PCDH9: variants seen among roughly 807,000 people sequenced by gnomAD.
PCDH9 encodes protocadherin-9.
In PCDH9, 24 loss-of-function variants were observed where a neutral mutation model predicts 70.6. The ratio of observed to expected loss-of-function variants is 0.34; its 90% CI spans 0.25 to 0.48. The LOEUF (loss-of-function observed/expected upper bound fraction) is 0.48, where lower values mean the gene tolerates loss of function less well. PCDH9 is among the 20% of genes least tolerant of loss of function. The pLI, the probability that PCDH9 is intolerant of heterozygous loss-of-function variation, is 0.99. For missense variants in PCDH9, 1,281 were observed against 1,503.6 expected, an observed-to-expected ratio of 0.85 and a Z score of 2.45; for synonymous variants, 562 against 558.5, an observed-to-expected ratio of 1.01 and a Z score of -0.09.
At chr13:66,334,969 AC>A (rs1956011667) in intron 4 of PCDH9, among the ~76,000 whole-genome samples, 1 of 152,092 alleles carries the variant, frequency 6.6e-6, no homozygotes, top group Non-Finnish European at 1.5e-5. Context: ...GTATTTCTAT[AC>A]CTATCTATTC....
chr13:67,045,172 C>A (rs780578380), intron 2 of PCDH9, among the ~76,000 whole-genome samples: 9 of 152,092 alleles, frequency 5.9e-5, no homozygotes, highest in Non-Finnish European at 1.2e-4. Flanking sequence ...CAACCCTTTA[C>A]CCAGCATCCT....
At chr13:66,558,156 A>AAAAC (rs756297901) in intron 4 of PCDH9, among the ~76,000 whole-genome samples, 6 of 152,276 alleles carry the variant, frequency 3.9e-5, no homozygotes, top group Non-Finnish European at 5.9e-5. Context: ...CCCTGTCTCT[A>AAAAC]AAACAAACAA....
At chr13:67,075,192 A>G (rs2085854132) in intron 2 of PCDH9, among the ~76,000 whole-genome samples, 1 of 152,160 alleles carries the variant, frequency 6.6e-6, no homozygotes, top group African/African-American at 2.4e-5. Context: ...ATCATTTTCA[A>G]TGTTTCTTTC....
intron 3 of PCDH9, among the ~76,000 whole-genome samples, chr13:66,890,941 C>G (rs2082086465): frequency 6.6e-6 from 1 of 152,040 alleles, no homozygotes; most frequent in African/African-American, 2.4e-5. Context: ...CCTCTGTGCC[C>G]CTTTGTACTT....
intron 2 of PCDH9, among the ~76,000 whole-genome samples, chr13:67,049,959 T>G (rs2085292346): frequency 6.6e-6 from 1 of 152,180 alleles, no homozygotes; most frequent in African/African-American, 2.4e-5. Context: ...GACTTCAGAA[T>G]GAACAATAGT....
intron 4 of PCDH9, among the ~76,000 whole-genome samples, chr13:66,414,589 A>C (rs372812162): frequency 6.6e-6 from 1 of 152,214 alleles, no homozygotes; most frequent in African/African-American, 2.4e-5. Context: ...GCCTATAAAA[A>C]TAGCTAATGA....
intron 2 of PCDH9, among the ~76,000 whole-genome samples, chr13:67,034,495 C>G (rs1250317517): frequency 1.3e-5 from 2 of 152,154 alleles, no homozygotes; most frequent in East Asian, 1.9e-4. Flanking sequence ...GCATATGCAG[C>G]TAATGATGAA....
At chr13:66,667,136 G>A (rs1420994131) in intron 3 of PCDH9, among the ~76,000 whole-genome samples, 1 of 152,122 alleles carries the variant, frequency 6.6e-6, no homozygotes, top group Non-Finnish European at 1.5e-5. Flanking sequence ...AAAAAAATCT[G>A]ATAAAATGGA....
chr13:66,636,742 A>G (rs1186416635), intron 3 of PCDH9, among the ~76,000 whole-genome samples: 1 of 152,004 alleles, frequency 6.6e-6, no homozygotes, highest in Non-Finnish European at 1.5e-5. Flanking sequence ...CTATGTATCT[A>G]TGTATCTATC....
chr13:67,066,777 T>G (rs920333792), intron 2 of PCDH9, among the ~76,000 whole-genome samples: 2 of 152,212 alleles, frequency 1.3e-5, no homozygotes. Context: ...AAGTCACTTC[T>G]TACTTTTCCA....
At chr13:67,041,655 C>T (rs1213628152) in intron 2 of PCDH9, among the ~76,000 whole-genome samples, 1 of 151,792 alleles carries the variant, frequency 6.6e-6, no homozygotes, top group African/African-American at 2.4e-5. Context: ...CACGGTGAAA[C>T]CCCGTCTCTA....
At chr13:67,102,323 A>G (rs922159330) in intron 2 of PCDH9, among the ~76,000 whole-genome samples, 16 of 152,226 alleles carry the variant, frequency 1.1e-4, no homozygotes, top group African/African-American at 3.9e-4. Flanking sequence ...CAATCTCTAG[A>G]TCTTTCTCAG....
At chr13:67,052,834 G>T (rs2085348150) in intron 2 of PCDH9, among the ~76,000 whole-genome samples, 1 of 152,126 alleles carries the variant, frequency 6.6e-6, no homozygotes, top group Admixed American at 6.5e-5. Context: ...GTTGGAGGAG[G>T]TGGTTAATGC....
intron 3 of PCDH9, among the ~76,000 whole-genome samples, chr13:66,755,008 C>T (rs80171798): frequency 0.048 from 7,293 of 152,164 alleles, 558 homozygotes; most frequent in African/African-American, 0.16. Flanking sequence ...AATTACTTAT[C>T]TCACATTACT....
intron 4 of PCDH9, among the ~76,000 whole-genome samples, chr13:66,477,703 T>C (rs1958759343): frequency 6.6e-6 from 1 of 152,214 alleles, no homozygotes; most frequent in African/African-American, 2.4e-5. Context: ...TCTACAGAAG[T>C]TGATGATTAT....
At chr13:66,505,213 CT>C (rs1319671703) in intron 4 of PCDH9, among the ~76,000 whole-genome samples, 10 of 152,114 alleles carry the variant, frequency 6.6e-5, no homozygotes, top group African/African-American at 2.4e-4. Flanking sequence ...GGCAATTATT[CT>C]GTTCTCACAC....
chr13:66,726,672 T>G (rs2079009691), intron 3 of PCDH9, among the ~76,000 whole-genome samples: 1 of 152,312 alleles, frequency 6.6e-6, no homozygotes, highest in South Asian at 2.1e-4. Context: ...AATGAAAAGT[T>G]GTTTTTTCCT....
At chr13:66,872,247 C>A (rs1013613928) in intron 3 of PCDH9, among the ~76,000 whole-genome samples, 1 of 152,026 alleles carries the variant, frequency 6.6e-6, no homozygotes, top group Non-Finnish European at 1.5e-5. Flanking sequence ...TATGTTATTG[C>A]CAGATTTGGA....
chr13:66,562,580 C>T (rs185871567), intron 4 of PCDH9, among the ~76,000 whole-genome samples: 3 of 152,248 alleles, frequency 2.0e-5, no homozygotes, highest in African/African-American at 7.2e-5. Context: ...TTTATAAAAC[C>T]ATCAGATCTT....
Sources: allele counts gnomAD v4.1 joint callset (sites outside exome capture counted in the v4.1 genomes callset), GRCh38; gene constraint gnomAD v4.1.1; transcripts MANE v1.5; gene names NCBI Gene and HGNC (gene_info 2026-07-23, HGNC 2026-07-21).